The following PRKN variants were observed in gnomAD, a reference collection of about 807,000 sequenced individuals.
PRKN encodes the protein parkin RBR E3 ubiquitin protein ligase, also known as E3 ubiquitin-protein ligase parkin.
In PRKN, 56 loss-of-function variants were observed where a neutral mutation model predicts 59.5. The observed-to-expected ratio is 0.94, with a 90% CI of 0.76 to 1.18. The LOEUF (loss-of-function observed/expected upper bound fraction) is 1.18. Ranked by LOEUF, PRKN falls within the 50% of genes most tolerant of loss-of-function variation. PRKN has a pLI of 0.00. For synonymous variants in PRKN, 250 were observed against 222.1 expected, an observed-to-expected ratio of 1.13 and a Z score of -1.12; for missense variants, 657 against 596.4, an observed-to-expected ratio of 1.10 and a Z score of -1.06.
intron 4 of PRKN, 73 bp from the exon 5 acceptor site, chr6:162,054,247 T>A (rs913971177): frequency 1.1e-6 from 1 of 928,780 alleles, no homozygotes; most frequent in Non-Finnish European, 1.8e-6. Context: ...ATGTTTCCAC[T>A]TATGTTATAA....
intron 2 of PRKN, among the ~76,000 whole-genome samples, chr6:162,346,873 G>T (rs912299536): frequency 1.1e-4 from 16 of 151,782 alleles, no homozygotes; most frequent in African/African-American, 3.4e-4. Context: ...ATATATCTAT[G>T]GATATATACA....
intron 2 of PRKN, among the ~76,000 whole-genome samples, chr6:162,364,565 G>T (rs538916249): frequency 6.6e-5 from 10 of 152,284 alleles, no homozygotes; most frequent in South Asian, 2.1e-4. Context: ...ATCAAAGAAG[G>T]TTCTCAAAAT....
Position 162,582,142 on chromosome 6 carries a change from C to T in PRKN, c.8-138669G>A, listed in dbSNP as rs180872186. Among the ~76,000 whole-genome samples the T allele has an allele frequency of 5.0e-3, 768 of 152,292 alleles. 3 individuals carry two copies. Among genetic ancestry groups the T allele is most frequent in the Non-Finnish European group, 7.3e-3 (494 of 68,038 alleles). On this transcript the variant is annotated intron_variant, in intron 1 of 11. Coordinates refer to ENST00000366898, the MANE Select transcript of PRKN (RefSeq NM_004562.3). ...AAATCTCTTTGATGACATTATTAAG[C>T]ATTTCACACATTACATATCCATCTG... is the stretch of plus-strand genomic sequence containing the variant.
chr6:161,747,828 T>C (rs1158394383), intron 7 of PRKN, among the ~76,000 whole-genome samples: 3 of 152,320 alleles, frequency 2.0e-5, no homozygotes, highest in Admixed American at 6.5e-5. Flanking sequence ...TTTGGTAGAA[T>C]TCTCCAATGA....
chr6:162,320,130 A>G (rs1782927645), intron 2 of PRKN, among the ~76,000 whole-genome samples: 2 of 151,822 alleles, frequency 1.3e-5, no homozygotes, highest in Admixed American at 1.3e-4. Context: ...ATGTTGCTGC[A>G]AAGTACATGA....
chr6:161,433,284 G>A (rs777575992), intron 9 of PRKN, among the ~76,000 whole-genome samples: 11 of 152,100 alleles, frequency 7.2e-5, no homozygotes, highest in Non-Finnish European at 1.6e-4. Flanking sequence ...GTATGCGTCC[G>A]CGGCATCTCA....
At chr6:161,986,095 T>C (rs1011303871) in intron 5 of PRKN, among the ~76,000 whole-genome samples, 3 of 152,100 alleles carry the variant, frequency 2.0e-5, no homozygotes, top group African/African-American at 7.2e-5. Flanking sequence ...CATCCAGGAG[T>C]TACCAGCCCT....
At chr6:162,415,131 T>C (rs1562747315) in intron 2 of PRKN, among the ~76,000 whole-genome samples, 1 of 152,188 alleles carries the variant, frequency 6.6e-6, no homozygotes, top group Non-Finnish European at 1.5e-5. Flanking sequence ...GAACCATCAA[T>C]TCCAGGTTCA....
chr6:161,929,629 T>C (rs1040948350), intron 6 of PRKN, among the ~76,000 whole-genome samples: 10 of 149,118 alleles, frequency 6.7e-5, no homozygotes, highest in Non-Finnish European at 1.5e-4. Flanking sequence ...GTTCAAGTGA[T>C]TCTCTTGCCT....
chr6:161,764,715 C>T (rs772354925), intron 7 of PRKN, among the ~76,000 whole-genome samples: 2 of 152,204 alleles, frequency 1.3e-5, no homozygotes, highest in Non-Finnish European at 2.9e-5. Flanking sequence ...TATCTCCCTA[C>T]AATGTAGCTG....
rs1778178666 is a variant in PRKN at position 162,226,316 on chromosome 6, C to T, written c.413-25064G>A. 2.0e-5 allele frequency among the ~76,000 whole-genome samples: 3 copies of T among 152,060 alleles called. No individual in the cohort carries two copies. In the South Asian group the frequency reaches 6.2e-4, roughly 32 times the overall value. On this transcript the variant is annotated intron_variant, in intron 3 of 11. Coordinates refer to ENST00000366898, the MANE Select transcript of PRKN (RefSeq NM_004562.3). The stretch of plus-strand genomic sequence containing the variant: ...CGCAGGCACCAGAAAGGAGAGAGTG[C>T]TCCCCTCCAAGGCTGCGCTGCACCC...
rs188699363 is a variant in PRKN, at chr6:161,627,330, T to A, written c.872-57914A>T. Among the ~76,000 whole-genome samples the A allele has an allele frequency of 3.9e-3, 597 of 152,330 alleles. 5 individuals carry two copies. The highest frequency in any genetic ancestry group is 0.02 in the Middle Eastern group (6 of 294). On this transcript the variant is annotated intron_variant, in intron 7 of 11. Coordinates refer to ENST00000366898, the MANE Select transcript of PRKN (RefSeq NM_004562.3). ...TGAATCAAAGGGCAACTAAAGTACG[T>A]ATTATTTTCTGAAAGAACTCTACCT...
At chr6:161,569,586 A>C (rs1283507894) in intron 7 of PRKN, among the ~76,000 whole-genome samples, 170 bp from the exon 8 acceptor site, 1 of 152,232 alleles carries the variant, frequency 6.6e-6, no homozygotes, top group African/African-American at 2.4e-5. Flanking sequence ...AACCCTCAAA[A>C]GAGCTATGGC....
chr6:162,471,603 T>C (rs758412187), intron 1 of PRKN, among the ~76,000 whole-genome samples: 1 of 152,198 alleles, frequency 6.6e-6, no homozygotes, highest in Non-Finnish European at 1.5e-5. Flanking sequence ...TTTACTAAAC[T>C]ATTAGATATG....
chr6:161,985,905 C>T (rs1781418683), intron 5 of PRKN, among the ~76,000 whole-genome samples: 1 of 152,150 alleles, frequency 6.6e-6, no homozygotes, highest in Admixed American at 6.6e-5. Context: ...CTGCTTTGTC[C>T]ACTCATTTTG....
chr6:162,103,548 T>C (rs1021359839), intron 4 of PRKN, among the ~76,000 whole-genome samples: 1 of 151,880 alleles, frequency 6.6e-6, no homozygotes, highest in African/African-American at 2.4e-5. Flanking sequence ...GTCTCTAACT[T>C]GATAAGGGCA....
intron 4 of PRKN, among the ~76,000 whole-genome samples, chr6:162,082,643 G>A (rs1779102184): frequency 6.6e-6 from 1 of 152,104 alleles, no homozygotes; most frequent in South Asian, 2.1e-4. Context: ...CTTTCAACAT[G>A]CCTTCCTCAC....
chr6:161,801,003 A>T (rs1297958622), intron 6 of PRKN, among the ~76,000 whole-genome samples: 1 of 152,148 alleles, frequency 6.6e-6, no homozygotes, highest in Non-Finnish European at 1.5e-5. Flanking sequence ...AGGAGCTCCA[A>T]AAATAGTGGC....
intron 4 of PRKN, among the ~76,000 whole-genome samples, chr6:162,068,232 G>C (rs150662393): frequency 0.011 from 1,724 of 150,790 alleles, 31 homozygotes; most frequent in African/African-American, 0.04. Flanking sequence ...GAGTTTTGTA[G>C]GTGTTTTTCT....
Sources: gnomAD v4.1 joint callset for allele counts (sites outside exome capture counted in the v4.1 genomes callset) on GRCh38, gnomAD v4.1.1 for gene constraint, MANE v1.5 for transcripts, NCBI Gene and HGNC (gene_info 2026-07-23, HGNC 2026-07-21) for gene names.